RORA: variants seen among roughly 807,000 people sequenced by gnomAD.
RORA encodes the protein nuclear receptor ROR-alpha.
Under a neutral mutation model 69.5 loss-of-function variants are expected in RORA, and 7 were observed. The ratio of observed to expected loss-of-function variants is 0.10; its 90% CI spans 0.06 to 0.19. RORA has a LOEUF of 0.19. Among genes scored for constraint, RORA ranks in the 10% least tolerant of loss-of-function variants. The pLI is 1.00. For missense variants in RORA, 457 were observed against 663.0 expected, an observed-to-expected ratio of 0.69 and a Z score of 3.41; for synonymous variants, 261 against 240.8, an observed-to-expected ratio of 1.08 and a Z score of -0.78.
At chr15:60,606,691 A>C (rs955869887) in intron 2 of RORA, among the ~76,000 whole-genome samples, 1 of 152,216 alleles carries the variant, frequency 6.6e-6, no homozygotes, top group Non-Finnish European at 1.5e-5. Flanking sequence ...AAAAATTGTA[A>C]CTAACACTAG....
At chr15:60,739,132 C>A (rs1321952673) in intron 1 of RORA, among the ~76,000 whole-genome samples, 2 of 152,278 alleles carry the variant, frequency 1.3e-5, no homozygotes, top group African/African-American at 2.4e-5. Context: ...CACAGTCCAA[C>A]CCATAACCCA....
chr15:60,678,181 T>A (rs1461175543), intron 2 of RORA: 1 of 153,170 alleles, frequency 6.5e-6, no homozygotes, highest in African/African-American at 2.4e-5. Context: ...TCGCAGGCCA[T>A]GCCCGTGGTC....
At position 61,159,702 on chromosome 15, in the gene RORA, C is replaced by T. The variant is rs75466007; in HGVS notation, c.166+69351G>A. Among the ~76,000 whole-genome samples, 150 of 152,338 alleles carry T rather than the reference C, an allele frequency of 9.8e-4. 1 individual carries two copies. In the East Asian group the frequency reaches 0.025, roughly 26 times the overall value. On this transcript the variant is annotated intron_variant, in intron 1 of 10. Transcript: ENST00000335670. ...GATAATAATGTACCTTTGCGGCAATCACACTGCATTTTGAATGTGCAATGG... is the reference window on the plus strand; with the variant it reads ...GATAATAATGTACCTTTGCGGCAATTACACTGCATTTTGAATGTGCAATGG...
At position 60,511,162 on chromosome 15, in the gene RORA, A is replaced by C; in HGVS notation, c.820+64T>G. ...GCAGAACTCATTAGAGGAAAGTCAG[A>C]CATACCCCTTTTACTTCAAAGGGCA... On this transcript the variant is annotated intron_variant, in intron 5 of 10. Coordinates refer to ENST00000335670, the MANE Select transcript of RORA (RefSeq NM_134261.3). This position sits in a 1 kb window ranked among gnomAD's most constrained non-coding sequence, Gnocchi z 6.4. 4 of 1,514,584 alleles carry C rather than the reference A, an allele frequency of 2.6e-6. No individual in the cohort carries two copies. In the South Asian group the frequency reaches 5.1e-5, roughly 19 times the overall value. The allele number at this position is 1,514,584 out of a possible 1,614,324, so 93.8% of individuals were successfully genotyped here.
At chr15:60,762,488 G>A (rs2071909415) in intron 1 of RORA, among the ~76,000 whole-genome samples, 1 of 152,092 alleles carries the variant, frequency 6.6e-6, no homozygotes, top group African/African-American at 2.4e-5. Flanking sequence ...AGAGAAAGGA[G>A]GACATATTAC....
chr15:61,104,038 G>A (rs1236911436), intron 1 of RORA, among the ~76,000 whole-genome samples: 9 of 152,156 alleles, frequency 5.9e-5, no homozygotes, highest in African/African-American at 1.9e-4. Flanking sequence ...GAAGAAAGAT[G>A]AATCTTAGAT....
chr15:61,160,390 T>A (rs2079484271), intron 1 of RORA, among the ~76,000 whole-genome samples: 1 of 152,232 alleles, frequency 6.6e-6, no homozygotes, highest in Admixed American at 6.5e-5. Context: ...CATTACACAT[T>A]TTCACAGCAT....
intron 2 of RORA, among the ~76,000 whole-genome samples, chr15:60,672,520 G>C (rs573808473): frequency 4.6e-5 from 7 of 152,306 alleles, no homozygotes; most frequent in Admixed American, 2.0e-4. Flanking sequence ...GAAGTGCCTA[G>C]CACTCAGTGC....
intron 3 of RORA, among the ~76,000 whole-genome samples, chr15:60,518,304 G>T (rs1194738315): frequency 6.6e-6 from 1 of 152,250 alleles, no homozygotes; most frequent in Non-Finnish European, 1.5e-5. Context: ...CATTAATAAA[G>T]TCCAAGACTG....
intron 2 of RORA, among the ~76,000 whole-genome samples, chr15:60,617,627 TACAC>T (rs147298428): frequency 8.0e-6 from 1 of 125,274 alleles, no homozygotes. Context: ...AAAGAAAAAA[TACAC>T]ACACACACGC....
chr15:61,208,037 C>T (rs753017680), intron 1 of RORA, among the ~76,000 whole-genome samples: 3 of 152,196 alleles, frequency 2.0e-5, no homozygotes, highest in Non-Finnish European at 2.9e-5. Context: ...GCCTCTTCTG[C>T]AAGGGAAGGC....
chr15:60,527,276 C>T (rs1305089493), intron 3 of RORA, among the ~76,000 whole-genome samples: 1 of 152,176 alleles, frequency 6.6e-6, no homozygotes, highest in East Asian at 1.9e-4. Context: ...AAATGTTCAC[C>T]CTCATCATCT....
In RORA at chr15:60,678,573, A is replaced by G. The variant is rs2070589552; in HGVS notation, c.196+84T>C. 1.3e-5 allele frequency: 13 copies of G among 1,025,398 alleles called. 1 individual carries two copies. Among genetic ancestry groups the G allele is most frequent in the Non-Finnish European group, 2.0e-5 (13 of 647,314 alleles). The allele number at this position is 1,025,398 out of a possible 1,614,324, so 63.5% of individuals were successfully genotyped here. ...TGGATCACAGCTGAAACATTAGTAT[A>G]TACTTGAAGGGTCACAGCAGCCAGA... On this transcript the variant is annotated intron_variant, in intron 2 of 10. Transcript: ENST00000335670.
intron 1 of RORA, among the ~76,000 whole-genome samples, chr15:60,725,844 G>A (rs1356612449): frequency 6.6e-6 from 1 of 152,162 alleles, no homozygotes; most frequent in Non-Finnish European, 1.5e-5. Flanking sequence ...CACTGGGTCA[G>A]TCATACGAGT....
chr15:60,574,316 C>T (rs759329397), intron 2 of RORA, among the ~76,000 whole-genome samples: 5 of 152,314 alleles, frequency 3.3e-5, no homozygotes, highest in African/African-American at 4.8e-5. Context: ...ACACAGGAAG[C>T]GCTTTATAAA....
At chr15:60,778,397 T>C (rs1465974056) in intron 1 of RORA, among the ~76,000 whole-genome samples, 1 of 152,122 alleles carries the variant, frequency 6.6e-6, no homozygotes, top group East Asian at 1.9e-4. Context: ...CCCCTTAAAG[T>C]GCCCTCTGCC....
At chr15:60,973,276 C>T (rs1178608769) in intron 1 of RORA, among the ~76,000 whole-genome samples, 3 of 152,280 alleles carry the variant, frequency 2.0e-5, no homozygotes, top group African/African-American at 7.2e-5. Context: ...TTCTAGTCTA[C>T]ACACCGTGAG....
chr15:61,200,069 A>G (rs1236566877), intron 1 of RORA, among the ~76,000 whole-genome samples: 1 of 152,246 alleles, frequency 6.6e-6, no homozygotes, highest in African/African-American at 2.4e-5. Context: ...ACACAGAATT[A>G]GAGCAGTAAG....
At chr15:61,058,180 T>C in intron 1 of RORA, among the ~76,000 whole-genome samples, 1 of 151,872 alleles carries the variant, frequency 6.6e-6, no homozygotes, top group East Asian at 1.9e-4. Flanking sequence ...CCGCAAGGTG[T>C]TGTGAGATTG....
Sources: gnomAD v4.1 joint callset for allele counts (sites outside exome capture counted in the v4.1 genomes callset) on GRCh38, gnomAD v4.1.1 for gene constraint, Gnocchi (gnomAD v3.1) non-coding constraint, MANE v1.5 for transcripts, NCBI Gene and HGNC (gene_info 2026-07-23, HGNC 2026-07-21) for gene names.